Variants in PDE7B observed in about 807,000 individuals in gnomAD.
The protein encoded by PDE7B is phosphodiesterase 7B.
Under a neutral mutation model 56.2 loss-of-function variants are expected in PDE7B, and 29 were observed. The observed-to-expected ratio is 0.52, with a 90% CI of 0.38 to 0.70. The LOEUF (loss-of-function observed/expected upper bound fraction) is 0.70. Ranked by LOEUF, PDE7B falls within the 30% of genes least tolerant of loss-of-function variation. PDE7B has a pLI of 0.00. For synonymous variants in PDE7B, 197 were observed against 196.9 expected (o/e 1.00, Z 0.00); for missense variants, 490 against 565.0 (o/e 0.87, Z 1.35).
chr6:136,120,288 C>T (rs1188959184), intron 3 of PDE7B, among the ~76,000 whole-genome samples: 2 of 152,160 alleles, frequency 1.3e-5, no homozygotes, highest in African/African-American at 2.4e-5. Context: ...CCCTACAATG[C>T]CTGCAGCATT....
chr6:136,186,220 A>G (rs1278201296), intron 11 of PDE7B, among the ~76,000 whole-genome samples: 1 of 152,080 alleles, frequency 6.6e-6, no homozygotes, highest in African/African-American at 2.4e-5. Flanking sequence ...GATTAAGACT[A>G]GTCTGGACAA....
At chr6:135,982,460 GT>G (rs1775313733) in intron 2 of PDE7B, among the ~76,000 whole-genome samples, 1 of 152,042 alleles carries the variant, frequency 6.6e-6, no homozygotes. Context: ...GAGAGAATCT[GT>G]CTGGCCCAGC....
At chr6:136,093,131 G>A (rs1777417027) in intron 2 of PDE7B, among the ~76,000 whole-genome samples, 1 of 152,194 alleles carries the variant, frequency 6.6e-6, no homozygotes, top group South Asian at 2.1e-4. Flanking sequence ...TCTCTGTAAA[G>A]TATCTCCACT....
chr6:136,135,720 A>C (rs1158101097), intron 3 of PDE7B, among the ~76,000 whole-genome samples: 2 of 152,136 alleles, frequency 1.3e-5, no homozygotes, highest in Non-Finnish European at 2.9e-5. Flanking sequence ...TGAATAAATG[A>C]AACTTTAATG....
intron 12 of PDE7B, among the ~76,000 whole-genome samples, chr6:136,191,285 G>T (rs1779220520): frequency 1.3e-5 from 2 of 152,148 alleles, no homozygotes; most frequent in Non-Finnish European, 2.9e-5. Flanking sequence ...TATCTTGCTT[G>T]CCCTTCTGGC....
intron 2 of PDE7B, among the ~76,000 whole-genome samples, chr6:135,991,409 A>G (rs537623376): frequency 3.8e-5 from 2 of 52,728 alleles, no homozygotes; most frequent in East Asian, 9.4e-4. Context: ...CCACAAATGT[A>G]TACAATTTTT....
intron 3 of PDE7B, among the ~76,000 whole-genome samples, chr6:136,121,313 T>C (rs1204127863): frequency 1.3e-5 from 2 of 152,202 alleles, no homozygotes. Flanking sequence ...CCCTTCCCTC[T>C]CCTACCTACC....
At chr6:135,891,677 A>C (rs1451411219) in intron 1 of PDE7B, among the ~76,000 whole-genome samples, 1 of 152,212 alleles carries the variant, frequency 6.6e-6, no homozygotes, top group Non-Finnish European at 1.5e-5. Flanking sequence ...GTGTGGAATG[A>C]AACCTAGGCA....
chr6:136,107,548 G>A (rs1451903218), intron 2 of PDE7B, among the ~76,000 whole-genome samples: 1 of 152,216 alleles, frequency 6.6e-6, no homozygotes, highest in East Asian at 1.9e-4. Context: ...CTTTGCAGGA[G>A]TTTAGAAGGA....
At chr6:135,953,829 T>C (rs752612838) in intron 2 of PDE7B, among the ~76,000 whole-genome samples, 3 of 152,172 alleles carry the variant, frequency 2.0e-5, no homozygotes, top group Non-Finnish European at 2.9e-5. Context: ...AAGTAAAGAC[T>C]GTGTTGAAAG....
chr6:136,176,439 G>C (rs1778978070), intron 9 of PDE7B, among the ~76,000 whole-genome samples: 4 of 151,966 alleles, frequency 2.6e-5, no homozygotes, highest in African/African-American at 9.7e-5. Context: ...GCATTAAAAA[G>C]ATGACATTTT....
chr6:135,900,134 A>G (rs1359505284), intron 1 of PDE7B, among the ~76,000 whole-genome samples: 5 of 152,050 alleles, frequency 3.3e-5, no homozygotes, highest in Non-Finnish European at 5.9e-5. Flanking sequence ...TCTTTTAAAA[A>G]GGGAAAACCC....
intron 1 of PDE7B, among the ~76,000 whole-genome samples, chr6:135,904,293 G>A (rs1399444558): frequency 6.6e-6 from 1 of 152,198 alleles, no homozygotes; most frequent in Non-Finnish European, 1.5e-5. Context: ...CAAGACCCCA[G>A]AGCATCATTT....
chr6:135,984,075 C>T (rs1029713114), intron 2 of PDE7B, among the ~76,000 whole-genome samples: 6 of 152,194 alleles, frequency 3.9e-5, no homozygotes, highest in African/African-American at 2.4e-5. Context: ...GTGTATCTGG[C>T]AATTCTTTCA....
At chr6:136,173,160 G>C (rs1778920721) in intron 8 of PDE7B, among the ~76,000 whole-genome samples, 1 of 152,114 alleles carries the variant, frequency 6.6e-6, no homozygotes, top group African/African-American at 2.4e-5. Context: ...CTACTTTAAA[G>C]TTCATATCGA....
rs532515797 is a variant in PDE7B, at chr6:136,006,043, A to G, written c.82+58519A>G. 2.6e-4 allele frequency among the ~76,000 whole-genome samples: 39 copies of G among 152,100 alleles called. No homozygotes were observed. The East Asian group carries it at 7.2e-3, about 28-fold the overall frequency. ...TGCAGCCATAAAAAATGATGAGATC[A>G]TGTCCTTTGTAGGGACATGGATGAA... is the stretch of plus-strand genomic sequence containing the variant. On this transcript the variant is annotated intron_variant, in intron 2 of 12. Transcript: ENST00000308191.
At chr6:136,030,820 A>C (rs1776235269) in intron 2 of PDE7B, among the ~76,000 whole-genome samples, 1 of 152,248 alleles carries the variant, frequency 6.6e-6, no homozygotes, top group East Asian at 1.9e-4. Context: ...GGAAAGAAGG[A>C]GTCATGGAGA....
chr6:135,906,821 T>G (rs949592298), intron 1 of PDE7B, among the ~76,000 whole-genome samples: 5 of 146,022 alleles, frequency 3.4e-5, no homozygotes, highest in Admixed American at 2.7e-4. Flanking sequence ...TTTTTTTTTT[T>G]TTTTTTTTTT....
chr6:136,188,264 A>AT lies in PDE7B; in HGVS notation c.1126+1159dup, dbSNP rs3837020. 1.8e-4 allele frequency among the ~76,000 whole-genome samples: 27 copies of AT among 148,722 alleles called. 1 individual carries two copies. The highest frequency in any genetic ancestry group is 3.9e-4 in the East Asian group (2 of 5,068). On this transcript the variant is annotated intron_variant, in intron 12 of 12. Transcript: ENST00000308191. ...AAATAGGTATGTTCGATTATTGAGC[A>AT]TTTTTTTTTTTCAAATTGTCCTTAA...
Sources: gnomAD v4.1 joint callset for allele counts (sites outside exome capture counted in the v4.1 genomes callset) on GRCh38, gnomAD v4.1.1 for gene constraint, MANE v1.5 for transcripts, NCBI Gene and HGNC (gene_info 2026-07-23, HGNC 2026-07-21) for gene names.